Variants in CEP128 observed in about 807,000 individuals in gnomAD.
CEP128 encodes centrosomal protein 128kDa.
A neutral mutation model predicts 156.7 loss-of-function variants in CEP128; 132 were observed. The observed-to-expected ratio is 0.84, with a 90% CI of 0.73 to 0.97. The LOEUF (loss-of-function observed/expected upper bound fraction) is 0.97, where lower values mean the gene tolerates loss of function less well. Ranked by LOEUF, CEP128 falls within the 50% of genes least tolerant of loss-of-function variation. CEP128 has a pLI of 0.00. For missense variants in CEP128, 1,252 were observed against 1,281.9 expected, an observed-to-expected ratio of 0.98 and a Z score of 0.36; for synonymous variants, 469 against 448.9, an observed-to-expected ratio of 1.04 and a Z score of -0.57.
At chr14:80,751,746 C>T (rs1473644547) in intron 18 of CEP128, among the ~76,000 whole-genome samples, 3 of 151,776 alleles carry the variant, frequency 2.0e-5, no homozygotes, top group African/African-American at 7.3e-5. Context: ...TCTCCTGCCT[C>T]AGCAACCGAA....
chr14:80,857,975 G>A (rs1887288303), intron 9 of CEP128, among the ~76,000 whole-genome samples: 1 of 152,094 alleles, frequency 6.6e-6, no homozygotes. Context: ...ACTGCCCAAG[G>A]TAATTTACAG....
intron 2 of CEP128, among the ~76,000 whole-genome samples, chr14:80,935,843 A>G (rs780052449): frequency 1.2e-4 from 18 of 152,262 alleles, no homozygotes; most frequent in Middle Eastern, 6.8e-3. Flanking sequence ...TAAGCACTTT[A>G]CTTGTATTAA....
At chr14:80,781,255 G>A (rs943771878) in intron 15 of CEP128, among the ~76,000 whole-genome samples, 5 of 152,010 alleles carry the variant, frequency 3.3e-5, no homozygotes, top group Admixed American at 6.5e-5. Flanking sequence ...TCAAGAGATC[G>A]AAACCATCCT....
At chr14:80,562,657 T>TTTC (rs1443373888) in intron 20 of CEP128, among the ~76,000 whole-genome samples, 12 of 118,126 alleles carry the variant, frequency 1.0e-4, no homozygotes, top group Admixed American at 8.9e-4. Flanking sequence ...TTTCTTTTCT[T>TTTC]TTTTTTTTTT....
At chr14:80,908,708 T>C (rs755958699) in intron 4 of CEP128, among the ~76,000 whole-genome samples, 2 of 152,250 alleles carry the variant, frequency 1.3e-5, no homozygotes, top group Non-Finnish European at 2.9e-5. Context: ...TATCATGTGA[T>C]AGACATTTTA....
At chr14:80,822,776 G>T (rs1885258994) in intron 13 of CEP128, 2 of 761,796 alleles carry the variant, frequency 2.6e-6, no homozygotes, top group East Asian at 4.9e-5. Context: ...TAAAACTGAA[G>T]GTGCTGGAGA....
At chr14:80,526,614 AG>A (rs1444786409) in intron 23 of CEP128, 5 of 279,280 alleles carry the variant, frequency 1.8e-5, no homozygotes, top group Non-Finnish European at 2.7e-5. Context: ...AAGCAGCACC[AG>A]TTCCCGTAAA....
chr14:80,852,417 A>T (rs1277709385), intron 9 of CEP128, among the ~76,000 whole-genome samples: 1 of 151,954 alleles, frequency 6.6e-6, no homozygotes, highest in East Asian at 1.9e-4. Context: ...AATTTTCATT[A>T]TTCATTTTAA....
At chr14:80,737,845 G>A (rs1422788647) in intron 19 of CEP128, among the ~76,000 whole-genome samples, 1 of 152,116 alleles carries the variant, frequency 6.6e-6, no homozygotes, top group Non-Finnish European at 1.5e-5. Flanking sequence ...AGCCAAGATG[G>A]CGCCACTGCA....
chr14:80,626,466 G>A (rs1279481508), intron 19 of CEP128, among the ~76,000 whole-genome samples: 2 of 55,062 alleles, frequency 3.6e-5, no homozygotes, highest in African/African-American at 1.8e-4. Flanking sequence ...GCGAGACTCC[G>A]TCTCAAAAAA....
At position 80,792,925 on chromosome 14, in the gene CEP128, G is replaced by A. The variant is rs1428945840; in HGVS notation, c.1395C>T (p.Leu465=). The A allele has an allele frequency of 6.2e-7, 1 of 1,614,140 alleles. No homozygotes were observed. Among genetic ancestry groups the A allele is most frequent in the Non-Finnish European group, 8.5e-7 (1 of 1,180,020 alleles). The change falls in exon 14 of 25, where the codon CTC becomes CTT. Residue 465 remains leucine (L), a synonymous_variant. Coordinates refer to ENST00000555265, the MANE Select transcript of CEP128 (RefSeq NM_152446.5). Reference sequence around the variant, plus strand: ...CCTCTTTCAGAGCCTCTGACTGCTGGAGCTCACTGAGGTACCGCTCAGCCT... The same window carrying A: ...CCTCTTTCAGAGCCTCTGACTGCTGAAGCTCACTGAGGTACCGCTCAGCCT... ...TKQAERYLSE[L]QQSEALKEEA... is the part of the protein sequence containing the mutation.
intron 2 of CEP128, among the ~76,000 whole-genome samples, chr14:80,949,997 T>C (rs192728394): frequency 2.1e-4 from 32 of 152,330 alleles, no homozygotes; most frequent in Middle Eastern, 3.4e-3. Context: ...AATGTGACCT[T>C]ATTTGGGAAT....
chr14:80,740,090 G>A (rs1898732723), intron 19 of CEP128, among the ~76,000 whole-genome samples: 2 of 151,918 alleles, frequency 1.3e-5, no homozygotes, highest in Admixed American at 6.6e-5. Flanking sequence ...CTTTCTTTTG[G>A]AAGAGTGATT....
At chr14:80,845,066 T>C (rs1016483151) in intron 9 of CEP128, among the ~76,000 whole-genome samples, 1 of 152,144 alleles carries the variant, frequency 6.6e-6, no homozygotes, top group African/African-American at 2.4e-5. Context: ...CCAGAGACTA[T>C]GAATGAATCA....
chr14:80,938,361 CT>C (rs1410134384), intron 2 of CEP128, among the ~76,000 whole-genome samples: 1 of 151,456 alleles, frequency 6.6e-6, no homozygotes, highest in African/African-American at 2.4e-5. Context: ...ATTCTCCTGC[CT>C]CAGCCTCCCA....
At position 80,955,675 on chromosome 14, in the gene CEP128, T is replaced by A. The variant is rs370437427; in HGVS notation, c.-172+2503A>T. The A allele has an allele frequency of 4.5e-5, 73 of 1,613,644 alleles. No homozygotes were observed. The East Asian group carries it at 1.4e-3, about 31-fold the overall frequency. ...GATGGAGAAATAGCCCCGAGTCCCGTGGAAAATGAGGCCGGCGGACTTGCT... is the reference window on the plus strand; with the variant it reads ...GATGGAGAAATAGCCCCGAGTCCCGAGGAAAATGAGGCCGGCGGACTTGCT... On this transcript the variant is annotated intron_variant, in intron 2 of 7. Coordinates refer to the CEP128 transcript ENST00000555529.
intron 9 of CEP128, among the ~76,000 whole-genome samples, chr14:80,857,230 TAC>T (rs1411331065): frequency 1.4e-5 from 2 of 138,188 alleles, no homozygotes; most frequent in Admixed American, 1.5e-4. Flanking sequence ...TTTTTTTTTT[TAC>T]AGTTTTTTTT....
At chr14:80,768,365 T>C (rs1299395873) in intron 16 of CEP128, among the ~76,000 whole-genome samples, 1 of 152,182 alleles carries the variant, frequency 6.6e-6, no homozygotes, top group Non-Finnish European at 1.5e-5. Flanking sequence ...GATCAGCTGA[T>C]GAACTAAATA....
At chr14:80,866,190 G>A (rs949969354) in intron 8 of CEP128, among the ~76,000 whole-genome samples, 9 of 151,920 alleles carry the variant, frequency 5.9e-5, no homozygotes, top group South Asian at 2.1e-4. Flanking sequence ...GCCTTCCCCC[G>A]TGGGCCCAGG....
Sources: allele counts gnomAD v4.1 joint callset (sites outside exome capture counted in the v4.1 genomes callset), GRCh38; gene constraint gnomAD v4.1.1; transcripts MANE v1.5; gene names NCBI Gene and HGNC (gene_info 2026-07-23, HGNC 2026-07-21).